ASCC1: variants seen among roughly 807,000 people sequenced by gnomAD.
The protein encoded by ASCC1 is activating signal cointegrator 1 complex subunit 1.
Under a neutral mutation model 46.6 loss-of-function variants are expected in ASCC1, and 35 were observed. The ratio of observed to expected loss-of-function variants is 0.75; its 90% CI spans 0.57 to 0.99. The LOEUF (loss-of-function observed/expected upper bound fraction) is 0.99, where lower values mean the gene tolerates loss of function less well. ASCC1 is among the 50% of genes least tolerant of loss of function. ASCC1 has a pLI of 0.00. For synonymous variants in ASCC1, 143 were observed against 146.6 expected, an observed-to-expected ratio of 0.98 and a Z score of 0.18; for missense variants, 376 against 428.7, an observed-to-expected ratio of 0.88 and a Z score of 1.09.
intron 9 of ASCC1, among the ~76,000 whole-genome samples, chr10:72,120,414 C>A (rs1451550031): frequency 6.6e-6 from 1 of 151,782 alleles, no homozygotes; most frequent in Non-Finnish European, 1.5e-5. Context: ...ACAGAATATC[C>A]AAGAACTGTG....
chr10:72,109,982 G>T (rs1246179984), intron 9 of ASCC1, among the ~76,000 whole-genome samples: 1 of 152,198 alleles, frequency 6.6e-6, no homozygotes, highest in Non-Finnish European at 1.5e-5. Context: ...TCTTCCCAAA[G>T]AAGCCTTGCC....
At chr10:72,164,808 T>C (rs1428202818) in intron 5 of ASCC1, among the ~76,000 whole-genome samples, 3 of 152,222 alleles carry the variant, frequency 2.0e-5, no homozygotes, top group African/African-American at 7.2e-5. Context: ...TTTAAAAAAA[T>C]GATAGCGATC....
intron 6 of ASCC1, among the ~76,000 whole-genome samples, chr10:72,154,925 T>C (rs910590984): frequency 6.6e-6 from 1 of 152,106 alleles, no homozygotes; most frequent in African/African-American, 2.4e-5. Context: ...ACTATACATG[T>C]GACTAAGGAA....
At chr10:72,210,271 T>G (rs1026985997) in intron 3 of ASCC1, among the ~76,000 whole-genome samples, 15 of 149,622 alleles carry the variant, frequency 1.0e-4, no homozygotes, top group African/African-American at 3.8e-4. Flanking sequence ...GTGATTCTCC[T>G]GCCTCAGCCT....
intron 9 of ASCC1, 26 bp from the exon 10 acceptor site, chr10:72,097,476 A>G (rs1364167186): frequency 2.2e-6 from 3 of 1,377,348 alleles, no homozygotes; most frequent in East Asian, 2.3e-5. Flanking sequence ...AAAAACCCAG[A>G]ATGAATATTT....
At chr10:72,165,969 C>T (rs1184407358) in intron 5 of ASCC1, among the ~76,000 whole-genome samples, 4 of 152,192 alleles carry the variant, frequency 2.6e-5, no homozygotes, top group African/African-American at 9.7e-5. Context: ...AGACAAATAT[C>T]TTATGACAGA....
intron 5 of ASCC1, among the ~76,000 whole-genome samples, chr10:72,191,032 G>A (rs1309395956): frequency 6.9e-6 from 1 of 145,570 alleles, no homozygotes; most frequent in Non-Finnish European, 1.5e-5. Flanking sequence ...GTGCAATAAT[G>A]TTTGAAGACA....
At chr10:72,162,473 A>G (rs957933220) in intron 5 of ASCC1, among the ~76,000 whole-genome samples, 1 of 151,342 alleles carries the variant, frequency 6.6e-6, no homozygotes, top group Non-Finnish European at 1.5e-5. Flanking sequence ...GCCTGGCCCA[A>G]TTTTTTTATT....
At chr10:72,124,887 T>C (rs1438752850) in intron 9 of ASCC1, among the ~76,000 whole-genome samples, 2 of 152,184 alleles carry the variant, frequency 1.3e-5, no homozygotes, top group Non-Finnish European at 2.9e-5. Context: ...AATATGTTTG[T>C]TCTTTTTCAG....
intron 9 of ASCC1, among the ~76,000 whole-genome samples, chr10:72,100,115 C>A (rs1429993353): frequency 6.6e-6 from 1 of 152,154 alleles, no homozygotes; most frequent in Non-Finnish European, 1.5e-5. Flanking sequence ...AGTGCCAGTG[C>A]CAATCTTCAT....
intron 5 of ASCC1, among the ~76,000 whole-genome samples, chr10:72,186,140 A>G (rs573419834): frequency 6.6e-5 from 10 of 151,720 alleles, no homozygotes; most frequent in African/African-American, 2.4e-4. Flanking sequence ...GTAATATAAT[A>G]TAAAATATAA....
At chr10:72,120,186 C>CCACTG (rs1174231316) in intron 9 of ASCC1, among the ~76,000 whole-genome samples, 1 of 152,102 alleles carries the variant, frequency 6.6e-6, no homozygotes, top group African/African-American at 2.4e-5. Flanking sequence ...CGAGACTGCA[C>CCACTG]CACTGCACTC....
chr10:72,123,326 A>T (rs1844447086), intron 9 of ASCC1, among the ~76,000 whole-genome samples: 1 of 151,244 alleles, frequency 6.6e-6, no homozygotes, highest in South Asian at 2.1e-4. Context: ...GCGGCAGAGC[A>T]AGACTCCGTC....
At chr10:72,202,506 T>C (rs2133369115) in intron 4 of ASCC1, among the ~76,000 whole-genome samples, 1 of 152,146 alleles carries the variant, frequency 6.6e-6, no homozygotes, top group East Asian at 1.9e-4. Context: ...AGAATGAGTT[T>C]ACAGTTTTGT....
intron 4 of ASCC1, 93 bp downstream of exon 4, chr10:72,203,334 G>T: frequency 1.1e-6 from 1 of 942,946 alleles, no homozygotes; most frequent in Non-Finnish European, 1.7e-6. Flanking sequence ...GAACCCCACA[G>T]AAAACATAGT....
intron 6 of ASCC1, among the ~76,000 whole-genome samples, 181 bp downstream of exon 6, chr10:72,161,357 G>T (rs540174568): frequency 6.6e-6 from 1 of 152,294 alleles, no homozygotes; most frequent in South Asian, 2.1e-4. Context: ...GATTTTTGTA[G>T]ATGTGATTAA....
chr10:72,101,279 A>G lies in ASCC1; in HGVS notation c.958-3829T>C, dbSNP rs373427826. 1.9e-4 allele frequency among the ~76,000 whole-genome samples: 29 copies of G among 152,250 alleles called. No homozygotes were observed. In the South Asian group the frequency reaches 6.0e-3, roughly 32 times the overall value. On this transcript the variant is annotated intron_variant, in intron 9 of 9. Transcript: ENST00000672957. Reference sequence around the variant, plus strand: ...GTGATCTGTGTAGCTTTCTGTATGTATGTTCTACTTTAATGAAAAAAGCTT... The same window carrying G: ...GTGATCTGTGTAGCTTTCTGTATGTGTGTTCTACTTTAATGAAAAAAGCTT...
chr10:72,190,650 G>C (rs1387174543), intron 5 of ASCC1: 1 of 755,904 alleles, frequency 1.3e-6, no homozygotes, highest in African/African-American at 1.8e-5. Context: ...GGTGTTATTT[G>C]TCTGTTAAAG....
chr10:72,112,487 GTGA>G (rs1843021234), intron 9 of ASCC1, among the ~76,000 whole-genome samples: 1 of 151,862 alleles, frequency 6.6e-6, no homozygotes, highest in Admixed American at 6.5e-5. Context: ...GAGATGGATA[GTGA>G]TGATGGTCGC....
Sources: allele counts gnomAD v4.1 joint callset (sites outside exome capture counted in the v4.1 genomes callset), GRCh38; gene constraint gnomAD v4.1.1; transcripts MANE v1.5; gene names NCBI Gene and HGNC (gene_info 2026-07-23, HGNC 2026-07-21).